Variants in ESRRG observed in about 807,000 individuals in gnomAD.
ESRRG encodes the protein estrogen related receptor gamma.
ESRRG carries 13 observed loss-of-function variants against 44.0 expected under a neutral mutation model. The observed-to-expected ratio is 0.30, with a 90% CI of 0.19 to 0.47. The LOEUF (loss-of-function observed/expected upper bound fraction) is 0.47. ESRRG is among the 20% of genes least tolerant of loss of function. The pLI is 1.00. For synonymous variants in ESRRG, 215 were observed against 214.6 expected (o/e 1.00, Z -0.02); for missense variants, 395 against 580.6 (o/e 0.68, Z 3.29).
At position 217,120,999 on chromosome 1, in the gene ESRRG, A is replaced by C. The variant is rs185208643; in HGVS notation, c.-230+16668T>G. 2.6e-3 allele frequency among the ~76,000 whole-genome samples: 393 copies of C among 152,276 alleles called. 1 individual carries two copies. The highest frequency in any genetic ancestry group is 9.1e-3 in the African/African-American group (377 of 41,550). On this transcript the variant is annotated intron_variant, in intron 1 of 8. Transcript: ENST00000366940. The stretch of plus-strand genomic sequence containing the variant: ...TGGCACAGTGCCTACAGACACACAA[A>C]CAATCCATTACATTTGTGGAATAAA...
chr1:216,574,357 T>C (rs115851131), intron 3 of ESRRG, among the ~76,000 whole-genome samples: 1 of 152,084 alleles, frequency 6.6e-6, no homozygotes, highest in East Asian at 1.9e-4. Flanking sequence ...GTAAAAAAAA[T>C]GCTGTGAGGC....
intron 3 of ESRRG, among the ~76,000 whole-genome samples, chr1:216,646,384 C>T (rs2067592221): frequency 6.6e-6 from 1 of 152,098 alleles, no homozygotes; most frequent in African/African-American, 2.4e-5. Context: ...ATGTACTAGA[C>T]CCTGTATCTA....
chr1:216,529,453 T>G (rs1260276779), intron 5 of ESRRG, among the ~76,000 whole-genome samples: 1 of 152,176 alleles, frequency 6.6e-6, no homozygotes, highest in Non-Finnish European at 1.5e-5. Flanking sequence ...ATCAAAAATA[T>G]GCTTTTTAAG....
chr1:216,777,757 A>G (rs1410787644), intron 2 of ESRRG, among the ~76,000 whole-genome samples: 1 of 152,108 alleles, frequency 6.6e-6, no homozygotes. Context: ...TCTTATACAC[A>G]CACATAACAC....
intron 1 of ESRRG, among the ~76,000 whole-genome samples, chr1:216,710,388 C>A (rs1385875707): frequency 6.6e-6 from 1 of 152,190 alleles, no homozygotes; most frequent in Non-Finnish European, 1.5e-5. Context: ...CCCACAAAAT[C>A]TTTCCTGTCA....
intron 1 of ESRRG, among the ~76,000 whole-genome samples, chr1:217,095,723 C>G (rs2092413855): frequency 6.6e-6 from 1 of 152,164 alleles, no homozygotes; most frequent in African/African-American, 2.4e-5. Flanking sequence ...TTCCACAGGT[C>G]TTGGGAAAGA....
At chr1:216,955,956 A>T (rs1236737272) in intron 1 of ESRRG, among the ~76,000 whole-genome samples, 2 of 152,054 alleles carry the variant, frequency 1.3e-5, no homozygotes, top group African/African-American at 2.4e-5. Context: ...GTCCCTTGTC[A>T]CAGCTAGTCT....
chr1:216,651,118 C>A, intron 2 of ESRRG, 29 bp from the exon 3 acceptor site: 2 of 1,383,808 alleles, frequency 1.4e-6, no homozygotes, highest in South Asian at 2.3e-5. Flanking sequence ...GAAAAGTTGT[C>A]ATATTTACAA....
At chr1:216,664,790 C>T (rs531797972) in intron 2 of ESRRG, among the ~76,000 whole-genome samples, 5 of 151,726 alleles carry the variant, frequency 3.3e-5, no homozygotes, top group South Asian at 2.1e-4. Context: ...ATTGTACTGC[C>T]GCTCTAGAAA....
chr1:216,672,045 A>AGAAG (rs938679388), intron 2 of ESRRG, among the ~76,000 whole-genome samples: 2 of 102,364 alleles, frequency 2.0e-5, no homozygotes, highest in African/African-American at 6.3e-5. Flanking sequence ...AAGGAAAGAA[A>AGAAG]GAAGGAAGGA....
intron 1 of ESRRG, among the ~76,000 whole-genome samples, chr1:217,135,511 G>C (rs974607097): frequency 2.0e-5 from 3 of 151,738 alleles, no homozygotes; most frequent in Non-Finnish European, 1.5e-5. Flanking sequence ...GCCAAGGACT[G>C]AGCAAGGGGC....
At chr1:217,012,474 G>T (rs2078767976) in intron 1 of ESRRG, among the ~76,000 whole-genome samples, 1 of 152,148 alleles carries the variant, frequency 6.6e-6, no homozygotes, top group South Asian at 2.1e-4. Flanking sequence ...GATAGCATTT[G>T]AAATAGCTCC....
chr1:216,627,837 G>A (rs1486579480), intron 3 of ESRRG, among the ~76,000 whole-genome samples: 2 of 151,698 alleles, frequency 1.3e-5, no homozygotes, highest in Non-Finnish European at 2.9e-5. Flanking sequence ...TTCTTGTACT[G>A]AATGACAAAA....
At position 216,595,567 on chromosome 1, in the gene ESRRG, G is replaced by T. The variant is rs112110264; in HGVS notation, c.590-27469C>A. ...AAATGCATAAAATGTCAATTTCTCGGAAAGGGTGCAGCACATTTCATTTCT... is the reference window on the plus strand; with the variant it reads ...AAATGCATAAAATGTCAATTTCTCGTAAAGGGTGCAGCACATTTCATTTCT... On this transcript the variant is annotated intron_variant, in intron 3 of 6. Coordinates refer to ENST00000408911, the MANE Select transcript of ESRRG (RefSeq NM_001438.4). 1.4e-3 allele frequency among the ~76,000 whole-genome samples: 219 copies of T among 152,204 alleles called. 1 individual carries two copies. Among genetic ancestry groups the T allele is most frequent in the Non-Finnish European group, 2.6e-3 (177 of 67,994 alleles).
At chr1:216,972,494 C>T (rs2071892324) in intron 1 of ESRRG, among the ~76,000 whole-genome samples, 3 of 152,178 alleles carry the variant, frequency 2.0e-5, no homozygotes, top group Non-Finnish European at 4.4e-5. Flanking sequence ...TGTTCATATA[C>T]AAACTATAAT....
intron 3 of ESRRG, among the ~76,000 whole-genome samples, chr1:216,630,453 C>CAT (rs2063955567): frequency 1.2e-5 from 1 of 86,822 alleles, no homozygotes; most frequent in African/African-American, 3.9e-5. Context: ...TGAACACACA[C>CAT]ACACACACAC....
chr1:216,824,726 G>A (rs912895211), intron 2 of ESRRG, among the ~76,000 whole-genome samples: 2 of 152,144 alleles, frequency 1.3e-5, no homozygotes, highest in Admixed American at 6.5e-5. Flanking sequence ...TCAAATACAA[G>A]CATCCATTAG....
chr1:216,505,543 A>G lies in ESRRG; in HGVS notation c.*1396T>C, dbSNP rs2041052677. The stretch of plus-strand genomic sequence containing the variant: ...TCTGAGGCAAGGTCTGTGACTTTGC[A>G]AACAGGCAGTATCACATTCCTAACC... On this transcript the variant is annotated 3_prime_UTR_variant, in exon 7 of 7. Coordinates refer to ENST00000408911, the MANE Select transcript of ESRRG (RefSeq NM_001438.4). 6.6e-6 allele frequency: 1 copy of G among 152,550 alleles called. No homozygotes were observed. The highest frequency in any genetic ancestry group is 1.5e-5 in the Non-Finnish European group (1 of 68,042). 9.4% of individuals were successfully genotyped at this position (152,550 alleles called of 1,614,324 possible). A position where few individuals can be genotyped will look rare whatever the true frequency, so the allele number is the denominator to read the frequency against.
chr1:216,924,054 A>G (rs1193699123), intron 2 of ESRRG, among the ~76,000 whole-genome samples: 5 of 152,176 alleles, frequency 3.3e-5, no homozygotes, highest in African/African-American at 7.2e-5. Context: ...ATGGTGTGAT[A>G]CCTTTCCAAA....
Sources: allele counts gnomAD v4.1 joint callset (sites outside exome capture counted in the v4.1 genomes callset), GRCh38; gene constraint gnomAD v4.1.1; transcripts MANE v1.5; gene names NCBI Gene and HGNC (gene_info 2026-07-23, HGNC 2026-07-21).